Variants in MGLL observed in about 807,000 individuals in gnomAD.
The protein encoded by MGLL is monoglyceride lipase.
Under a neutral mutation model 29.1 loss-of-function variants are expected in MGLL, and 7 were observed. The observed-to-expected ratio is 0.24, with a 90% CI of 0.14 to 0.45. The LOEUF (loss-of-function observed/expected upper bound fraction) is 0.45. Among genes scored for constraint, MGLL ranks in the 20% least tolerant of loss-of-function variants. MGLL has a pLI of 0.99. For synonymous variants in MGLL, 148 were observed against 168.3 expected (o/e 0.88, Z 0.93); for missense variants, 356 against 413.6 (o/e 0.86, Z 1.21).
At chr3:127,728,213 T>G (rs2076082419) in intron 3 of MGLL, among the ~76,000 whole-genome samples, 1 of 152,196 alleles carries the variant, frequency 6.6e-6, no homozygotes. Context: ...CTCCTCCATC[T>G]CCCCGCTCGT....
intron 3 of MGLL, among the ~76,000 whole-genome samples, chr3:127,766,896 C>T (rs1379567339): frequency 1.3e-5 from 2 of 152,050 alleles, no homozygotes; most frequent in Admixed American, 1.3e-4. Context: ...CATGGCGAAA[C>T]CACATCTCTA....
Position 127,710,651 on chromosome 3 carries a change from T to C in MGLL, c.525A>G (p.Lys175=). The C allele has an allele frequency of 6.4e-7, 1 of 1,571,434 alleles. No homozygotes were observed. The highest frequency in any genetic ancestry group is 1.2e-5 in the South Asian group (1 of 85,528). ...SATTFKVLAA[K]VLNLVLPNLS... is the part of the protein sequence containing the mutation. ...AGTTTGGCAGCACAAGGTTGAGCAC[T>C]TTCGCAGCAAGGACCTAGCCGGGGA... is the stretch of plus-strand genomic sequence containing the variant. The change falls in exon 6 of 8, where the codon AAA becomes AAG. Residue 175 remains lysine, a synonymous_variant. Coordinates refer to ENST00000265052, the MANE Select transcript of MGLL (RefSeq NM_007283.7).
chr3:127,774,347 G>A (rs558759560), intron 3 of MGLL, among the ~76,000 whole-genome samples: 1 of 152,272 alleles, frequency 6.6e-6, no homozygotes, highest in South Asian at 2.1e-4. Flanking sequence ...CCTCTCCCTG[G>A]CAGCCTCCTG....
At chr3:127,733,396 A>C (rs1022066311) in intron 3 of MGLL, among the ~76,000 whole-genome samples, 1 of 152,134 alleles carries the variant, frequency 6.6e-6, no homozygotes, top group African/African-American at 2.4e-5. Context: ...TCATTCCTCT[A>C]CTTTCCTAAT....
chr3:127,710,697 C>T, intron 5 of MGLL, 32 bp from the exon 6 acceptor site: 2 of 1,513,598 alleles, frequency 1.3e-6, no homozygotes, highest in East Asian at 2.4e-5. Context: ...GGGCTGTGAG[C>T]ACAAGTGGCA....
intron 2 of MGLL, among the ~76,000 whole-genome samples, chr3:127,819,177 C>T (rs1197677973): frequency 1.3e-5 from 2 of 152,300 alleles, no homozygotes; most frequent in African/African-American, 2.4e-5. Flanking sequence ...CCCAGTGCAG[C>T]GGCTGACACC....
intron 2 of MGLL, among the ~76,000 whole-genome samples, chr3:127,806,892 T>C (rs2077576991): frequency 6.6e-6 from 1 of 152,146 alleles, no homozygotes; most frequent in African/African-American, 2.4e-5. Context: ...CCAGATTCAG[T>C]TTGCTAGTAT....
rs146498547 is a variant in MGLL, at chr3:127,727,765, AC to A, written c.263-5200del. Among the ~76,000 whole-genome samples, 270 of 149,206 alleles carry A rather than the reference AC, an allele frequency of 1.8e-3. 1 individual carries two copies. Among genetic ancestry groups the A allele is most frequent in the African/African-American group, 6.1e-3 (250 of 40,922 alleles). On this transcript the variant is annotated intron_variant, in intron 3 of 7. Coordinates refer to ENST00000265052, the MANE Select transcript of MGLL (RefSeq NM_007283.7). The stretch of plus-strand genomic sequence containing the variant: ...AATCAATGTTCTAAAGTTTTCTCTT[AC>A]CTTCTTTGATTTTGTATTTTATCTC...
At chr3:127,702,414 C>T (rs1284765606) in intron 6 of MGLL, among the ~76,000 whole-genome samples, 1 of 152,192 alleles carries the variant, frequency 6.6e-6, no homozygotes, top group Admixed American at 6.5e-5. Context: ...GGCCTGAGTC[C>T]CCACAGTGAC....
At chr3:127,709,628 C>A (rs551262404) in intron 6 of MGLL, among the ~76,000 whole-genome samples, 33 of 152,268 alleles carry the variant, frequency 2.2e-4, no homozygotes, top group African/African-American at 7.9e-4. Flanking sequence ...CTTTAGGGAG[C>A]CAGTGATTCA....
chr3:127,716,855 C>T (rs930186734), intron 5 of MGLL, among the ~76,000 whole-genome samples: 35 of 152,208 alleles, frequency 2.3e-4, no homozygotes, highest in Non-Finnish European at 4.1e-4. Flanking sequence ...CAGGTACCCT[C>T]AGGGTTGCCC....
chr3:127,759,379 C>T (rs1305567480), intron 3 of MGLL, among the ~76,000 whole-genome samples: 1 of 152,176 alleles, frequency 6.6e-6, no homozygotes, highest in African/African-American at 2.4e-5. Flanking sequence ...ACTGTCCTTA[C>T]CCCTCCCTTG....
At chr3:127,714,686 A>G (rs568647383) in intron 5 of MGLL, among the ~76,000 whole-genome samples, 1 of 152,336 alleles carries the variant, frequency 6.6e-6, no homozygotes, top group Non-Finnish European at 1.5e-5. Context: ...GAAAGGTCTC[A>G]GTGCATAGAT....
intron 3 of MGLL, among the ~76,000 whole-genome samples, chr3:127,769,543 G>A (rs2076914882): frequency 6.6e-6 from 1 of 152,226 alleles, no homozygotes; most frequent in Non-Finnish European, 1.5e-5. Flanking sequence ...AGATGAAGAT[G>A]GCAAGGCCCA....
At chr3:127,816,578 C>T (rs184893955) in intron 2 of MGLL, among the ~76,000 whole-genome samples, 8 of 152,252 alleles carry the variant, frequency 5.3e-5, no homozygotes, top group East Asian at 3.9e-4. Context: ...ATTACGAGGA[C>T]GCAAGAAGGG....
chr3:127,750,928 T>G (rs1351023620), intron 3 of MGLL, among the ~76,000 whole-genome samples: 1 of 152,196 alleles, frequency 6.6e-6, no homozygotes, highest in Non-Finnish European at 1.5e-5. Context: ...ATGCATTAAA[T>G]GGACTTGCCA....
intron 3 of MGLL, among the ~76,000 whole-genome samples, chr3:127,730,305 G>A (rs527797371): frequency 1.3e-5 from 2 of 152,046 alleles, no homozygotes; most frequent in South Asian, 2.1e-4. Flanking sequence ...GTGGTCCGAC[G>A]GCCCCCACTG....
At chr3:127,757,803 T>C (rs778663443) in intron 3 of MGLL, among the ~76,000 whole-genome samples, 3 of 152,134 alleles carry the variant, frequency 2.0e-5, no homozygotes, top group African/African-American at 4.8e-5. Flanking sequence ...CTGACCCAGA[T>C]GTGTTCAGCC....
intron 2 of MGLL, among the ~76,000 whole-genome samples, chr3:127,805,392 G>A (rs529479387): frequency 1.5e-4 from 23 of 152,144 alleles, no homozygotes; most frequent in Non-Finnish European, 3.2e-4. Context: ...ACCTGAAGGG[G>A]CATCTGCAGC....
Sources: allele counts gnomAD v4.1 joint callset (sites outside exome capture counted in the v4.1 genomes callset), GRCh38; gene constraint gnomAD v4.1.1; transcripts MANE v1.5; gene names NCBI Gene and HGNC (gene_info 2026-07-23, HGNC 2026-07-21).